The following WDR33 variants were observed in gnomAD, a reference collection of about 807,000 sequenced individuals.
WDR33 encodes the protein WD repeat domain 33.
Under a neutral mutation model 164.9 loss-of-function variants are expected in WDR33, and 47 were observed. The ratio of observed to expected loss-of-function variants is 0.29; its 90% CI spans 0.23 to 0.36. The LOEUF is 0.36. WDR33 is among the 10% of genes least tolerant of loss of function. The pLI is 1.00. For synonymous variants in WDR33, 505 were observed against 589.0 expected, an observed-to-expected ratio of 0.86 and a Z score of 2.06; for missense variants, 1,137 against 1,754.1, an observed-to-expected ratio of 0.65 and a Z score of 6.28.
intron 4 of WDR33, among the ~76,000 whole-genome samples, chr2:127,767,705 ACT>A (rs886116273): frequency 8.7e-4 from 132 of 152,142 alleles, no homozygotes; most frequent in African/African-American, 3.1e-3. Context: ...ACCGAGTGAG[ACT>A]CTGTCTAAAA....
In WDR33 at chr2:127,705,985, A is replaced by G. The variant is rs919681523; in HGVS notation, c.*338T>C. ...ACTTTGTTTTTCTCTGACAAACTGT[A>G]CACATAGAAACAAATTTCCAAATGG... On this transcript the variant is annotated 3_prime_UTR_variant, in exon 22 of 22. Coordinates refer to ENST00000322313, the MANE Select transcript of WDR33 (RefSeq NM_018383.5). The surrounding 1 kb of genome is among the most constrained non-coding windows in gnomAD (Gnocchi z 4.5). 1.5e-5 allele frequency: 4 copies of G among 273,034 alleles called. No individual in the cohort carries two copies. The highest frequency in any genetic ancestry group is 2.7e-5 in the Non-Finnish European group (4 of 147,030). The allele number at this position is 273,034 out of a possible 1,614,324, so 16.9% of individuals were successfully genotyped here.
intron 8 of WDR33, 140 bp from the exon 9 acceptor site, chr2:127,725,355 A>G (rs1393724959): frequency 2.5e-5 from 19 of 765,770 alleles, no homozygotes; most frequent in African/African-American, 1.8e-5. Context: ...TTAAAGGATC[A>G]CAGTTATAAA....
chr2:127,762,943 G>T, intron 7 of WDR33, 119 bp downstream of exon 7: 1 of 1,514,810 alleles, frequency 6.6e-7, no homozygotes, highest in Admixed American at 2.1e-5. Context: ...GCCTGAGACG[G>T]TGTGTATATG....
rs1040805746 is a variant in WDR33, at chr2:127,764,195, A to T, written c.626+633T>A. On this transcript the variant is annotated intron_variant, in intron 6 of 21. Transcript: ENST00000322313. The surrounding 1 kb of genome is among the most constrained non-coding windows in gnomAD (Gnocchi z 6.2). ...AAATATTTTAAACTCCACTTATTGT[A>T]TACATTTGCATAAGTGATGTTATCA... The T allele has an allele frequency of 9.5e-6, 10 of 1,052,576 alleles. No homozygotes were observed. The highest frequency in any genetic ancestry group is 1.7e-5 in the African/African-American group (1 of 59,168). The allele number at this position is 1,052,576 out of a possible 1,614,324, so 65.2% of individuals were successfully genotyped here.
chr2:127,802,187 A>G (rs1689273665), intron 1 of WDR33, among the ~76,000 whole-genome samples: 1 of 152,060 alleles, frequency 6.6e-6, no homozygotes, highest in South Asian at 2.1e-4. Flanking sequence ...AAATTAAGAC[A>G]GTAAAATTTT....
chr2:127,737,812 T>C (rs1054650133), intron 7 of WDR33: 2 of 1,351,894 alleles, frequency 1.5e-6, no homozygotes, highest in East Asian at 3.0e-5. Context: ...AGATTAAGGA[T>C]ACACTTCTTT....
chr2:127,744,374 A>C (rs1025673698), intron 7 of WDR33, among the ~76,000 whole-genome samples: 16 of 152,224 alleles, frequency 1.1e-4, no homozygotes, highest in Non-Finnish European at 2.2e-4. Context: ...GAATAGTTAA[A>C]TAAATTACAG....
chr2:127,719,379 T>C lies in WDR33; in HGVS notation c.2646A>G (p.Gly882=). The change falls in exon 16 of 22, where the codon GGA becomes GGG. Residue 882 remains glycine, a synonymous_variant. Transcript: ENST00000322313. This position sits in a 1 kb window ranked among gnomAD's most constrained non-coding sequence, Gnocchi z 6.5. ...TTGCTGGGTTCTGCTGTCCCTGAGGTCCGGGGGGTCCTTGCATGCCACCCT... is the reference window on the plus strand; with the variant it reads ...TTGCTGGGTTCTGCTGTCCCTGAGGCCCGGGGGGTCCTTGCATGCCACCCT... ...PPQGGMQGPP[G]PQGQQNPARG... The C allele has an allele frequency of 6.6e-7, 1 of 1,520,470 alleles. No individual in the cohort carries two copies. Among genetic ancestry groups the C allele is most frequent in the Non-Finnish European group, 8.8e-7 (1 of 1,136,368 alleles). The allele number at this position is 1,520,470 out of a possible 1,614,324, so 94.2% of individuals were successfully genotyped here.
At chr2:127,737,035 T>C (rs1686865406) in intron 7 of WDR33, 1 of 985,472 alleles carries the variant, frequency 1.0e-6, no homozygotes, top group Non-Finnish European at 1.2e-6. Context: ...ATCTTCTATA[T>C]TCTTCAGTTA....
At position 127,764,653 on chromosome 2, in the gene WDR33, A is replaced by G; in HGVS notation, c.626+175T>C. 1 of 1,564,138 alleles carries G rather than the reference A, an allele frequency of 6.4e-7. No individual in the cohort carries two copies. Among genetic ancestry groups the G allele is most frequent in the Non-Finnish European group, 8.7e-7 (1 of 1,153,438 alleles). The stretch of plus-strand genomic sequence containing the variant: ...GATACCGGGACAACACTACTTCAGA[A>G]AGGTGCCAGCAAAATGGTGAATGTG... On this transcript the variant is annotated intron_variant, in intron 6 of 21. Coordinates refer to ENST00000322313, the MANE Select transcript of WDR33 (RefSeq NM_018383.5). The surrounding 1 kb of genome is among the most constrained non-coding windows in gnomAD (Gnocchi z 6.2).
chr2:127,791,019 T>A lies in WDR33; in HGVS notation c.-24+19993A>T, dbSNP rs1573468269. 3.3e-5 allele frequency among the ~76,000 whole-genome samples: 5 copies of A among 152,030 alleles called. No homozygotes were observed. In the South Asian group the frequency reaches 1.0e-3, roughly 32 times the overall value. On this transcript the variant is annotated intron_variant, in intron 1 of 21. Transcript: ENST00000322313. ...CCCCTCCTTAACCTCTCCCCATCTC[T>A]CTCAACAGTCTGTCATTCTTTCAAG...
rs1251526971 is a variant in WDR33, at chr2:127,741,494, G to C, written c.725-14717C>G. On this transcript the variant is annotated intron_variant, in intron 7 of 21. Transcript: ENST00000322313. This position sits in a 1 kb window ranked among gnomAD's most constrained non-coding sequence, Gnocchi z 4.1. ...ATTAAACACACACAAACATGCACGTGTGTACACATGTACAAGCACACACAC... is the reference window on the plus strand; with the variant it reads ...ATTAAACACACACAAACATGCACGTCTGTACACATGTACAAGCACACACAC... 6.6e-6 allele frequency among the ~76,000 whole-genome samples: 1 copy of C among 152,156 alleles called. No homozygotes were observed. Among genetic ancestry groups the C allele is most frequent in the East Asian group, 1.9e-4 (1 of 5,196 alleles).
Position 127,721,229 on chromosome 2 carries a change from G to A in WDR33, c.1671+607C>T, listed in dbSNP as rs1219480443. 4.6e-5 allele frequency among the ~76,000 whole-genome samples: 7 copies of A among 152,040 alleles called. No individual in the cohort carries two copies. Among genetic ancestry groups the A allele is most frequent in the South Asian group, 2.1e-4 (1 of 4,804 alleles). ...TTCAAGCCATTTTCCTGCCTCAGCCGCCCATGTCACTGGGACCACAGGCAT... is the reference window on the plus strand; with the variant it reads ...TTCAAGCCATTTTCCTGCCTCAGCCACCCATGTCACTGGGACCACAGGCAT... On this transcript the variant is annotated intron_variant, in intron 15 of 21. Transcript: ENST00000322313. The surrounding 1 kb of genome is among the most constrained non-coding windows in gnomAD (Gnocchi z 4.9).
In WDR33 at chr2:127,806,107, G is replaced by A. The variant is rs191456005; in HGVS notation, c.-24+4905C>T. Among the ~76,000 whole-genome samples the A allele has an allele frequency of 2.0e-4, 30 of 151,312 alleles. No individual in the cohort carries two copies. In the East Asian group the frequency reaches 5.6e-3, roughly 28 times the overall value. The stretch of plus-strand genomic sequence containing the variant: ...AACCTGGATGACAAAGTAAGACCCT[G>A]TCTCAAAATAAACAAAATTTTAAAA... On this transcript the variant is annotated intron_variant, in intron 1 of 21. Coordinates refer to ENST00000322313, the MANE Select transcript of WDR33 (RefSeq NM_018383.5).
In WDR33 at chr2:127,710,973, A is replaced by G. The variant is rs1686147155; in HGVS notation, c.3309-1117T>C. The stretch of plus-strand genomic sequence containing the variant: ...TACTCACAAACATGTTTTCTAAACC[A>G]TTTGAAAATCAGTTGCCAACACGAG... On this transcript the variant is annotated intron_variant, in intron 18 of 21. Coordinates refer to ENST00000322313, the MANE Select transcript of WDR33 (RefSeq NM_018383.5). The surrounding 1 kb of genome is among the most constrained non-coding windows in gnomAD (Gnocchi z 4.4). Among the ~76,000 whole-genome samples, 1 of 152,236 alleles carries G rather than the reference A, an allele frequency of 6.6e-6. No homozygotes were observed. The highest frequency in any genetic ancestry group is 2.4e-5 in the African/African-American group (1 of 41,454).
intron 1 of WDR33, among the ~76,000 whole-genome samples, chr2:127,793,241 G>T (rs1558960179): frequency 6.7e-6 from 1 of 149,884 alleles, no homozygotes; most frequent in South Asian, 2.1e-4. Context: ...GACCAGCCTG[G>T]CCAACATGGT....
At chr2:127,771,780 A>AGAAGGAAGGAGG (rs1231767983) in intron 1 of WDR33, among the ~76,000 whole-genome samples, 1 of 139,228 alleles carries the variant, frequency 7.2e-6, no homozygotes, top group Non-Finnish European at 1.6e-5. Flanking sequence ...CCTGTTGGAA[A>AGAAGGAAGGAGG]GAAGGAAGGA....
chr2:127,749,661 CAAAAA>C (rs1212240477), intron 7 of WDR33, among the ~76,000 whole-genome samples: 1 of 80,976 alleles, frequency 1.2e-5, no homozygotes, highest in Non-Finnish European at 2.7e-5. Context: ...GACTCCACCT[CAAAAA>C]AAAAAAAAAA....
intron 18 of WDR33, among the ~76,000 whole-genome samples, chr2:127,711,191 G>A (rs1191797877): frequency 3.9e-5 from 6 of 152,102 alleles, no homozygotes; most frequent in Admixed American, 1.3e-4. Flanking sequence ...TTGGGAGGCC[G>A]AGGCAGGCAG....
Sources: allele counts gnomAD v4.1 joint callset (sites outside exome capture counted in the v4.1 genomes callset), GRCh38; gene constraint gnomAD v4.1.1; non-coding constraint Gnocchi (gnomAD v3.1); transcripts MANE v1.5; gene names NCBI Gene and HGNC (gene_info 2026-07-23, HGNC 2026-07-21).